The following ZNF891 variants were observed in gnomAD, a reference collection of about 807,000 sequenced individuals.
The protein encoded by ZNF891 is hCG1646157.
For synonymous variants in ZNF891, 199 were observed against 209.0 expected (o/e 0.95, Z 0.41); for missense variants, 589 against 632.7 (o/e 0.93, Z 0.74).
chr12:133,105,297 G>A lies in ZNF891; in HGVS notation c.*14987C>T, dbSNP rs1479878432. ...TTTCCCTGCTCTTTCAATTACTTAC[G>A]TTTACACTTTCTCTTTATTTACCTA... is the stretch of plus-strand genomic sequence containing the variant. On this transcript the variant is annotated 3_prime_UTR_variant, in exon 2 of 2. Transcript: ENST00000537226. Among the ~76,000 whole-genome samples the A allele has an allele frequency of 2.0e-5, 3 of 152,074 alleles. No individual in the cohort carries two copies. In the East Asian group the frequency reaches 5.8e-4, roughly 29 times the overall value.
Position 133,112,751 on chromosome 12 carries a change from A to T in ZNF891, c.*7533T>A, listed in dbSNP as rs913767665. 1 of 152,260 alleles carries T rather than the reference A, an allele frequency of 6.6e-6. No individual in the cohort carries two copies. Among genetic ancestry groups the T allele is most frequent in the African/African-American group, 2.4e-5 (1 of 41,470 alleles). 9.4% of individuals were successfully genotyped at this position (152,260 alleles called of 1,614,324 possible). ...CCACACCCTTTATCAACACTTTCAA[A>T]AAGTTTGCCTTTAAAAAGTAGGAGA... On this transcript the variant is annotated 3_prime_UTR_variant, in exon 2 of 2. Transcript: ENST00000537226.
intron 1 of ZNF891, among the ~76,000 whole-genome samples, chr12:133,124,747 CCTT>C (rs978580568): frequency 4.2e-4 from 60 of 143,206 alleles, no homozygotes; most frequent in African/African-American, 1.5e-3. Flanking sequence ...ATATAAAAGG[CCTT>C]TTATATTGCT....
chr12:133,117,317 A>G lies in ZNF891; in HGVS notation c.*2967T>C, dbSNP rs1955720837. 1 of 152,226 alleles carries G rather than the reference A, an allele frequency of 6.6e-6. No individual in the cohort carries two copies. Among genetic ancestry groups the G allele is most frequent in the Non-Finnish European group, 1.5e-5 (1 of 68,034 alleles). The allele number at this position is 152,226 out of a possible 1,614,324, so 9.4% of individuals were successfully genotyped here. ...TAAATACAATACTACTGTTAGCAAAACTGAAGATCTATTCATAAAGAATAA... is the reference window on the plus strand; with the variant it reads ...TAAATACAATACTACTGTTAGCAAAGCTGAAGATCTATTCATAAAGAATAA... On this transcript the variant is annotated 3_prime_UTR_variant, in exon 2 of 2. Coordinates refer to ENST00000537226, the MANE Select transcript of ZNF891 (RefSeq NM_001277291.2).
Position 133,117,988 on chromosome 12 carries a change from C to T in ZNF891, c.*2296G>A, listed in dbSNP as rs1009750416. The T allele has an allele frequency of 6.8e-6, 1 of 146,306 alleles. No individual in the cohort carries two copies. Among genetic ancestry groups the T allele is most frequent in the Non-Finnish European group, 1.5e-5 (1 of 67,042 alleles). The allele number at this position is 146,306 out of a possible 1,614,324, so 9.1% of individuals were successfully genotyped here. On this transcript the variant is annotated 3_prime_UTR_variant, in exon 2 of 2. Transcript: ENST00000537226. The stretch of plus-strand genomic sequence containing the variant: ...TTTGAGATGAAGTCCTGCTCTGTCA[C>T]CAGGCTGGAGTGCAGTGGTGAGATC...
At chr12:133,126,175 A>G (rs1302623046) in intron 1 of ZNF891, among the ~76,000 whole-genome samples, 1 of 152,118 alleles carries the variant, frequency 6.6e-6, no homozygotes, top group Non-Finnish European at 1.5e-5. Context: ...AAACTCCCCA[A>G]AAAGGTACAA....
rs1396065079 is a variant in ZNF891 at position 133,120,518 on chromosome 12, T to C, written c.1401A>G (p.Lys467=). 2.5e-6 allele frequency: 4 copies of C among 1,580,044 alleles called. No individual in the cohort carries two copies. The highest frequency in any genetic ancestry group is 3.4e-6 in the Non-Finnish European group (4 of 1,163,984). Residue 467 remains lysine (K), a synonymous_variant, in exon 2 of 2, where the codon AAA becomes AAG. Transcript: ENST00000537226. ...ENVYECSDCG[K]VFSGVSSLRM... is the part of the protein sequence containing the mutation. The stretch of plus-strand genomic sequence containing the variant: ...TAAGGGATGAGACCCCACTGAAAAC[T>C]TTCCCACAGTCACTGCATTCATAAA...
Position 133,105,626 on chromosome 12 carries a change from T to A in ZNF891, c.*14658A>T. The A allele has an allele frequency of 6.2e-7, 1 of 1,614,150 alleles. No individual in the cohort carries two copies. The highest frequency in any genetic ancestry group is 8.5e-7 in the Non-Finnish European group (1 of 1,180,036). Reference sequence around the variant, plus strand: ...AAGTCAAGGCCCTGTGTATTCCAGTTTTAAAGGAGGCTGGAAATGCAAGGA... The same window carrying A: ...AAGTCAAGGCCCTGTGTATTCCAGTATTAAAGGAGGCTGGAAATGCAAGGA... On this transcript the variant is annotated 3_prime_UTR_variant, in exon 2 of 2. Transcript: ENST00000537226.
Position 133,121,717 on chromosome 12 carries a change from ACAGACTTCTTTGAG to A in ZNF891, c.188_201del (p.Ala63ValfsTer10). On this transcript the variant is annotated frameshift_variant, in exon 2 of 2. Coordinates refer to ENST00000537226, the MANE Select transcript of ZNF891 (RefSeq NM_001277291.2). LOFTEE classifies it low-confidence loss of function (END_TRUNC). ...TAGTTTTCCAACATCACATCTCTGTACAGACTTCTTTGAGCAGAATCCAGCATCATCCACTCCTC... is the reference window on the plus strand; with the variant it reads ...TAGTTTTCCAACATCACATCTCTGTACAGAATCCAGCATCATCCACTCCTC... The A allele has an allele frequency of 6.5e-7, 1 of 1,536,716 alleles. No homozygotes were observed. Among genetic ancestry groups the A allele is most frequent in the Non-Finnish European group, 8.7e-7 (1 of 1,146,952 alleles).
rs1955746614 is a variant in ZNF891 at position 133,120,625 on chromosome 12, A to G, written c.1294T>C (p.Tyr432His). Residue 432 changes from tyrosine to histidine, a missense_variant, in exon 2 of 2, where the codon TAT (tyrosine) becomes CAT (histidine). Coordinates refer to ENST00000537226, the MANE Select transcript of ZNF891 (RefSeq NM_001277291.2). ...HKRIHTGEKL[Y>H]ECSECGKAFN... ...GCTTTTCCACACTCACTGCATTCAT[A>G]GAGTTTTTCTCCAGTGTGTATTCTC... 3.2e-6 allele frequency: 5 copies of G among 1,560,210 alleles called. No homozygotes were observed. The highest frequency in any genetic ancestry group is 4.3e-6 in the Non-Finnish European group (5 of 1,153,366).
rs532999091 is a variant in ZNF891 at position 133,115,881 on chromosome 12, C to A, written c.*4403G>T. ...AGTTGAGCATCACAAATCTGAAAAT[C>A]CAAAATTTTAAATGCTCCAATGAGC... On this transcript the variant is annotated 3_prime_UTR_variant, in exon 2 of 2. Coordinates refer to ENST00000537226, the MANE Select transcript of ZNF891 (RefSeq NM_001277291.2). 9 of 152,220 alleles carry A rather than the reference C, an allele frequency of 5.9e-5. No individual in the cohort carries two copies. Among genetic ancestry groups the A allele is most frequent in the African/African-American group, 2.2e-4 (9 of 41,536 alleles). The allele number at this position is 152,220 out of a possible 1,614,324, so 9.4% of individuals were successfully genotyped here.
Position 133,105,583 on chromosome 12 carries a change from G to T in ZNF891, c.*14701C>A. 6.2e-7 allele frequency: 1 copy of T among 1,614,028 alleles called. No homozygotes were observed. The highest frequency in any genetic ancestry group is 8.5e-7 in the Non-Finnish European group (1 of 1,180,004). ...TTTATGATGACTCATCCCAGTATTT[G>T]ATCATGGAAAGAATTCTAAGTCAAG... On this transcript the variant is annotated 3_prime_UTR_variant, in exon 2 of 2. Transcript: ENST00000537226.
Position 133,121,354 on chromosome 12 carries a change from G to T in ZNF891, c.565C>A (p.Arg189Ser). The T allele has an allele frequency of 6.5e-7, 1 of 1,536,018 alleles. No individual in the cohort carries two copies. The highest frequency in any genetic ancestry group is 1.7e-4 in the Middle Eastern group (1 of 5,988). Residue 189 changes from arginine to serine, a missense_variant, in exon 2 of 2, where the codon CGT becomes AGT. Coordinates refer to ENST00000537226, the MANE Select transcript of ZNF891 (RefSeq NM_001277291.2). Reference protein sequence around the residue: ...PKKTVPQELFRDYHELEENSK... With the variant: ...PKKTVPQELFSDYHELEENSK... Reference sequence around the variant, plus strand: ...TTTTCCTCTAATTCATGATAGTCACGGAATAGCTCCTGAGGTACTGTTTTC... The same window carrying T: ...TTTTCCTCTAATTCATGATAGTCACTGAATAGCTCCTGAGGTACTGTTTTC...
In ZNF891 at chr12:133,118,094, T is replaced by G. The variant is rs1955726030; in HGVS notation, c.*2190A>C. 6.6e-6 allele frequency: 1 copy of G among 152,128 alleles called. No homozygotes were observed. The highest frequency in any genetic ancestry group is 2.1e-4 in the South Asian group (1 of 4,820). 9.4% of individuals were successfully genotyped at this position (152,128 alleles called of 1,614,324 possible). A position where few individuals can be genotyped will look rare whatever the true frequency, so the allele number is the denominator to read the frequency against. The stretch of plus-strand genomic sequence containing the variant: ...CTGAGTAGCTGGGACTACAGGCATG[T>G]GCCACCACACCCGGCTAATTTTTGT... On this transcript the variant is annotated 3_prime_UTR_variant, in exon 2 of 2. Coordinates refer to ENST00000537226, the MANE Select transcript of ZNF891 (RefSeq NM_001277291.2).
At chr12:133,124,776 ACGATTGAATTCTAGGTTG>A (rs1438512319) in intron 1 of ZNF891, among the ~76,000 whole-genome samples, 7 of 146,914 alleles carry the variant, frequency 4.8e-5, no homozygotes, top group Non-Finnish European at 1.1e-4. Flanking sequence ...TCTTTAGCAT[ACGATTGAATTCTAGGTTG>A]TTGTTGTTTT....
chr12:133,120,794 G>A lies in ZNF891; in HGVS notation c.1125C>T (p.Pro375=). The A allele has an allele frequency of 1.3e-6, 2 of 1,570,228 alleles. No individual in the cohort carries two copies. The highest frequency in any genetic ancestry group is 2.3e-5 in the South Asian group (2 of 85,852). Residue 375 remains proline (P), a synonymous_variant, in exon 2 of 2, where the codon CCC becomes CCT. Coordinates refer to ENST00000537226, the MANE Select transcript of ZNF891 (RefSeq NM_001277291.2). The stretch of plus-strand genomic sequence containing the variant: ...CTTTTCCACATTGATTACATTCATA[G>A]GGTTTCTCTCCAGTGTGAGTTCTTA... The part of the protein sequence containing the change: ...RHVRTHTGEK[P]YECNQCGKAF...
Position 133,105,536 on chromosome 12 carries a change from G to T in ZNF891, c.*14748C>A. ...TTCAGAGTCAAGTGGTGAGATCAAA[G>T]ACTTTTCACCAAAAAATGTCATTTA... On this transcript the variant is annotated 3_prime_UTR_variant, in exon 2 of 2. Coordinates refer to ENST00000537226, the MANE Select transcript of ZNF891 (RefSeq NM_001277291.2). 6.2e-7 allele frequency: 1 copy of T among 1,609,196 alleles called. No homozygotes were observed.
chr12:133,121,008 T>C lies in ZNF891; in HGVS notation c.911A>G (p.His304Arg). Reference protein sequence around the residue: ...CECNKDETLCHQSSLKKQGQT... With the variant: ...CECNKDETLCRQSSLKKQGQT... ...TCCTTGTTTCTTAAGGGATGATTGA[T>C]GACACAGCGTTTCATCTTTATTACA... Residue 304 changes from histidine to arginine, a missense_variant, in exon 2 of 2, where the codon CAT becomes CGT. Coordinates refer to ENST00000537226, the MANE Select transcript of ZNF891 (RefSeq NM_001277291.2). The C allele has an allele frequency of 6.5e-7, 1 of 1,535,726 alleles. No homozygotes were observed. Among genetic ancestry groups the C allele is most frequent in the Non-Finnish European group, 8.7e-7 (1 of 1,146,876 alleles).
Position 133,114,443 on chromosome 12 carries a change from A to G in ZNF891, c.*5841T>C, listed in dbSNP as rs1443983240. Reference sequence around the variant, plus strand: ...GCAGATAGGACTACAGGCACAGGCCATTGCACCCACCTCCTTGCAACTTTT... The same window carrying G: ...GCAGATAGGACTACAGGCACAGGCCGTTGCACCCACCTCCTTGCAACTTTT... On this transcript the variant is annotated 3_prime_UTR_variant, in exon 2 of 2. Coordinates refer to ENST00000537226, the MANE Select transcript of ZNF891 (RefSeq NM_001277291.2). 1 of 152,268 alleles carries G rather than the reference A, an allele frequency of 6.6e-6. No homozygotes were observed. The highest frequency in any genetic ancestry group is 1.5e-5 in the Non-Finnish European group (1 of 68,064). The allele number at this position is 152,268 out of a possible 1,614,324, so 9.4% of individuals were successfully genotyped here. A position where few individuals can be genotyped will look rare whatever the true frequency, so the allele number is the denominator to read the frequency against.
rs890191939 is a variant in ZNF891 at position 133,116,719 on chromosome 12, A to C, written c.*3565T>G. ...CCCCTGCCCTTCTGGAGACTCTTTC[A>C]TGGTGCCCTCTGAGATTCCCTTAAT... On this transcript the variant is annotated 3_prime_UTR_variant, in exon 2 of 2. Coordinates refer to ENST00000537226, the MANE Select transcript of ZNF891 (RefSeq NM_001277291.2). The C allele has an allele frequency of 6.6e-6, 1 of 152,208 alleles. No individual in the cohort carries two copies. The highest frequency in any genetic ancestry group is 2.4e-5 in the African/African-American group (1 of 41,430). 9.4% of individuals were successfully genotyped at this position (152,208 alleles called of 1,614,324 possible). A position where few individuals can be genotyped will look rare whatever the true frequency, so the allele number is the denominator to read the frequency against.
Sources: allele counts gnomAD v4.1 joint callset (sites outside exome capture counted in the v4.1 genomes callset), GRCh38; gene constraint gnomAD v4.1.1; transcripts MANE v1.5; gene names NCBI Gene and HGNC (gene_info 2026-07-23, HGNC 2026-07-21).